Variants in MGAT4C observed in about 807,000 individuals in gnomAD.
MGAT4C encodes the protein alpha-1,3-mannosyl-glycoprotein 4-beta-N-acetylglucosaminyltransferase C.
MGAT4C carries 19 observed loss-of-function variants against 40.1 expected under a neutral mutation model. The observed-to-expected ratio is 0.47, with a 90% CI of 0.33 to 0.70. The LOEUF (loss-of-function observed/expected upper bound fraction) is 0.70. Among genes scored for constraint, MGAT4C ranks in the 30% least tolerant of loss-of-function variants. The probability of loss-of-function intolerance (pLI) is 0.02; values close to 1 mark genes in which losing one functional copy is unlikely to be tolerated. For missense variants in MGAT4C, 491 were observed against 563.2 expected (o/e 0.87, Z 1.30); for synonymous variants, 181 against 187.1 (o/e 0.97, Z 0.27).
At chr12:86,020,251 G>C (rs1889555432) in intron 2 of MGAT4C, among the ~76,000 whole-genome samples, 1 of 152,044 alleles carries the variant, frequency 6.6e-6, no homozygotes, top group South Asian at 2.1e-4. Context: ...GTTGAGGGAG[G>C]GCATCCCTGT....
At chr12:86,778,928 G>C (rs1951786655) in intron 1 of MGAT4C, among the ~76,000 whole-genome samples, 1 of 149,212 alleles carries the variant, frequency 6.7e-6, no homozygotes, top group Non-Finnish European at 1.5e-5. Context: ...TCTACTAAAA[G>C]AATATAATGA....
chr12:86,204,417 G>A (rs1285314159), intron 1 of MGAT4C, among the ~76,000 whole-genome samples: 1 of 152,084 alleles, frequency 6.6e-6, no homozygotes, highest in Non-Finnish European at 1.5e-5. Flanking sequence ...CTGCAAAGAA[G>A]CTTATAGAGA....
upstream of MGAT4C, among the ~76,000 whole-genome samples, chr12:86,260,236 C>T (rs1037338325): frequency 5.3e-5 from 8 of 152,054 alleles, no homozygotes; most frequent in African/African-American, 1.4e-4. Context: ...CTTGTAAAAA[C>T]GCTTGTTGTC....
At chr12:86,183,954 A>C (rs1888425759) in intron 1 of MGAT4C, among the ~76,000 whole-genome samples, 1 of 151,746 alleles carries the variant, frequency 6.6e-6, no homozygotes. Flanking sequence ...TTATCAAATC[A>C]CTCCATCAAG....
intron 4 of MGAT4C, among the ~76,000 whole-genome samples, chr12:86,270,884 T>G (rs1464097425): frequency 6.6e-6 from 1 of 152,056 alleles, no homozygotes; most frequent in African/African-American, 2.4e-5. Flanking sequence ...CTAACTAATC[T>G]TCGACAAAGA....
Position 86,306,870 on chromosome 12 carries a change from T to C in MGAT4C, c.-57+27195A>G, listed in dbSNP as rs989665784. ...ACGTGATAAAGAAAGTATAGTACAA[T>C]GTAGCAAAATATAAATTAGGTACAT... On this transcript the variant is annotated intron_variant, in intron 4 of 7. Coordinates refer to the MGAT4C transcript ENST00000548651. Among the ~76,000 whole-genome samples the C allele has an allele frequency of 7.3e-5, 11 of 150,470 alleles. 1 individual carries two copies. Among genetic ancestry groups the C allele is most frequent in the Non-Finnish European group, 1.2e-4 (8 of 67,974 alleles).
At chr12:85,986,774 TA>T (rs1205612485) in intron 3 of MGAT4C, among the ~76,000 whole-genome samples, 1 of 151,998 alleles carries the variant, frequency 6.6e-6, no homozygotes, top group Non-Finnish European at 1.5e-5. Flanking sequence ...ATAATTTTAT[TA>T]AAAAAGAAAT....
intron 3 of MGAT4C, among the ~76,000 whole-genome samples, chr12:86,381,795 T>C (rs1592767467): frequency 6.6e-6 from 1 of 152,014 alleles, no homozygotes; most frequent in East Asian, 1.9e-4. Context: ...TGGTGGGAGG[T>C]AATTGAGTCA....
chr12:86,093,682 C>A (rs1420268142), intron 1 of MGAT4C, among the ~76,000 whole-genome samples: 4 of 151,878 alleles, frequency 2.6e-5, no homozygotes, highest in African/African-American at 7.3e-5. Flanking sequence ...GAGCTATGAT[C>A]GCACCACTGC....
At chr12:86,631,600 A>G (rs1963046660) in intron 2 of MGAT4C, among the ~76,000 whole-genome samples, 1 of 151,990 alleles carries the variant, frequency 6.6e-6, no homozygotes, top group African/African-American at 2.4e-5. Flanking sequence ...AAATAACACC[A>G]CACTTCTACA....
chr12:86,423,323 A>G (rs1956865261), intron 3 of MGAT4C, among the ~76,000 whole-genome samples: 1 of 151,746 alleles, frequency 6.6e-6, no homozygotes, highest in South Asian at 2.1e-4. Flanking sequence ...TATTATTGTC[A>G]TTTAACATAA....
chr12:85,979,717 T>G lies in MGAT4C; in HGVS notation c.1009A>C (p.Ile337Leu), dbSNP rs376986836. Residue 337 changes from isoleucine to leucine, a missense_variant, in exon 5 of 5, where the codon ATT (isoleucine) becomes CTT (leucine). Coordinates refer to ENST00000611864, the MANE Select transcript of MGAT4C (RefSeq NM_001351288.2). Reference protein sequence around the residue: ...DDDFEEESFDIPDNPPASLYT... With the variant: ...DDDFEEESFDLPDNPPASLYT... ...AGACTTGCAGGGGGGTTATCAGGAA[T>G]GTCAAATGACTCCTCTTCAAAATCA... is the stretch of plus-strand genomic sequence containing the variant. 12 of 1,613,444 alleles carry G rather than the reference T, an allele frequency of 7.4e-6. No homozygotes were observed. Among genetic ancestry groups the G allele is most frequent in the Middle Eastern group, 1.6e-4 (1 of 6,084 alleles).
intron 1 of MGAT4C, among the ~76,000 whole-genome samples, chr12:86,749,740 TCA>T (rs1951205541): frequency 6.6e-6 from 1 of 151,780 alleles, no homozygotes; most frequent in African/African-American, 2.4e-5. Context: ...CTTATGACTA[TCA>T]CTGCATAAAT....
At position 86,032,607 on chromosome 12, in the gene MGAT4C, G is replaced by A. The variant is rs192067034; in HGVS notation, c.-7+17067C>T. 3.8e-3 allele frequency among the ~76,000 whole-genome samples: 564 copies of A among 149,436 alleles called. 11 individuals carry two copies. The highest frequency in any genetic ancestry group is 0.013 in the African/African-American group (538 of 41,262). ...GTGTCCTTTGCCCACTACATAATGG[G>A]GTTGTTTGTTTTTTGCTTATTAATT... On this transcript the variant is annotated intron_variant, in intron 2 of 4. Transcript: ENST00000611864.
At chr12:86,068,704 G>A (rs185628098) in intron 1 of MGAT4C, among the ~76,000 whole-genome samples, 7 of 151,780 alleles carry the variant, frequency 4.6e-5, no homozygotes, top group South Asian at 2.1e-4. Context: ...ATCTATAGTC[G>A]AGCTGGCTCT....
At chr12:86,610,998 G>A (rs1962236222) in intron 2 of MGAT4C, among the ~76,000 whole-genome samples, 1 of 151,786 alleles carries the variant, frequency 6.6e-6, no homozygotes, top group East Asian at 1.9e-4. Context: ...GCTGACTCTG[G>A]TAAGTTCTCT....
At chr12:86,146,951 G>C (rs1049636105) in intron 1 of MGAT4C, among the ~76,000 whole-genome samples, 3 of 151,946 alleles carry the variant, frequency 2.0e-5, no homozygotes, top group African/African-American at 7.2e-5. Flanking sequence ...GTAAAGTTTG[G>C]AAGTATTTCT....
At chr12:86,139,351 T>C (rs879431438) in intron 1 of MGAT4C, among the ~76,000 whole-genome samples, 1 of 152,130 alleles carries the variant, frequency 6.6e-6, no homozygotes, top group Non-Finnish European at 1.5e-5. Flanking sequence ...TAAAATTTTA[T>C]CATTTATGTC....
intron 2 of MGAT4C, among the ~76,000 whole-genome samples, chr12:86,501,718 C>T (rs914327848): frequency 6.6e-6 from 1 of 151,924 alleles, no homozygotes; most frequent in Non-Finnish European, 1.5e-5. Flanking sequence ...TGTATATATG[C>T]CAAATTTTCT....
Sources: allele counts gnomAD v4.1 joint callset (sites outside exome capture counted in the v4.1 genomes callset), GRCh38; gene constraint gnomAD v4.1.1; transcripts MANE v1.5; gene names NCBI Gene and HGNC (gene_info 2026-07-23, HGNC 2026-07-21).